DIP2C: variants seen among roughly 807,000 people sequenced by gnomAD.
The protein encoded by DIP2C is DIP2 acetate--CoA ligase C (putative).
In DIP2C, 33 loss-of-function variants were observed where a neutral mutation model predicts 192.4. The ratio of observed to expected loss-of-function variants is 0.17; its 90% confidence interval spans 0.13 to 0.23. DIP2C has a LOEUF of 0.23. DIP2C is among the 10% of genes least tolerant of loss of function. The probability of loss-of-function intolerance (pLI) is 1.00; values close to 1 mark genes in which losing one functional copy is unlikely to be tolerated. For missense variants in DIP2C, 1,537 were observed against 2,110.1 expected, an observed-to-expected ratio of 0.73 and a Z score of 5.32; for synonymous variants, 979 against 864.1, an observed-to-expected ratio of 1.13 and a Z score of -2.33.
chr10:561,805 G>A (rs1291122239), intron 1 of DIP2C, among the ~76,000 whole-genome samples: 5 of 152,230 alleles, frequency 3.3e-5, no homozygotes, highest in African/African-American at 1.2e-4. Flanking sequence ...CCATTGTGAA[G>A]GCAAATACTC....
rs532818136 is a variant in DIP2C at position 303,175 on chromosome 10, T to C, written c.3986+6856A>G. 2.0e-5 allele frequency among the ~76,000 whole-genome samples: 3 copies of C among 152,270 alleles called. No individual in the cohort carries two copies. In the South Asian group the frequency reaches 6.2e-4, roughly 32 times the overall value. On this transcript the variant is annotated intron_variant, in intron 32 of 36. Transcript: ENST00000280886. Reference sequence around the variant, plus strand: ...CACGTGGCGGTAGATTCTTAAACACTGTACTCGTAAGCTAAGACATCATCC... The same window carrying C: ...CACGTGGCGGTAGATTCTTAAACACCGTACTCGTAAGCTAAGACATCATCC...
chr10:541,793 A>C (rs1181358629), intron 1 of DIP2C, among the ~76,000 whole-genome samples: 1 of 151,014 alleles, frequency 6.6e-6, no homozygotes, highest in African/African-American at 2.4e-5. Context: ...TCACCTGACC[A>C]CACCTGTCTC....
At chr10:521,963 G>A (rs953709089) in intron 1 of DIP2C, among the ~76,000 whole-genome samples, 2 of 150,536 alleles carry the variant, frequency 1.3e-5, no homozygotes, top group Admixed American at 6.6e-5. Context: ...TAGCTCACAC[G>A]AGGTCTCAGC....
At chr10:494,860 T>C (rs1029254519) in intron 1 of DIP2C, among the ~76,000 whole-genome samples, 2 of 152,236 alleles carry the variant, frequency 1.3e-5, no homozygotes, top group Non-Finnish European at 2.9e-5. Context: ...CAGGACTCTA[T>C]GATCCAGCAA....
chr10:515,746 GA>G (rs762497174), intron 1 of DIP2C, among the ~76,000 whole-genome samples: 1 of 151,852 alleles, frequency 6.6e-6, no homozygotes, highest in Non-Finnish European at 1.5e-5. Context: ...ATAAAAATAA[GA>G]AAGCCTTCAG....
At chr10:456,698 C>T (rs953190922) in intron 3 of DIP2C, among the ~76,000 whole-genome samples, 2 of 152,214 alleles carry the variant, frequency 1.3e-5, no homozygotes, top group Non-Finnish European at 2.9e-5. Flanking sequence ...CGTTTGTCTC[C>T]ACTACACAGG....
At chr10:687,765 C>G (rs137919165) in intron 1 of DIP2C, among the ~76,000 whole-genome samples, 1 of 152,234 alleles carries the variant, frequency 6.6e-6, no homozygotes, top group South Asian at 2.1e-4. Context: ...GGCCACAATG[C>G]CCAACACAGG....
intron 29 of DIP2C, among the ~76,000 whole-genome samples, chr10:335,695 C>A (rs866649462): frequency 1.3e-5 from 2 of 152,228 alleles, no homozygotes; most frequent in Non-Finnish European, 2.9e-5. Flanking sequence ...TCATCCCACC[C>A]GCTGTGTGCT....
At chr10:355,043 G>A (rs989456440) in intron 24 of DIP2C, among the ~76,000 whole-genome samples, 3 of 151,964 alleles carry the variant, frequency 2.0e-5, no homozygotes, top group African/African-American at 4.8e-5. Flanking sequence ...GATGAAAAGT[G>A]GAAGGTGGGC....
intron 17 of DIP2C, among the ~76,000 whole-genome samples, chr10:377,073 T>G (rs1961688915): frequency 6.6e-6 from 1 of 152,188 alleles, no homozygotes; most frequent in Non-Finnish European, 1.5e-5. Context: ...AACAGCCCAT[T>G]TTACAAGCTG....
chr10:596,163 TAAAAA>T (rs1305225423), intron 1 of DIP2C, among the ~76,000 whole-genome samples: 32 of 152,176 alleles, frequency 2.1e-4, no homozygotes, highest in Middle Eastern at 3.4e-3. Context: ...GATAACGTTT[TAAAAA>T]ATAAAAGTAA....
chr10:441,523 A>C (rs1967729397), intron 3 of DIP2C, among the ~76,000 whole-genome samples: 1 of 152,168 alleles, frequency 6.6e-6, no homozygotes, highest in Non-Finnish European at 1.5e-5. Context: ...GGAAGAGGTA[A>C]TTGAATCATT....
rs193161962 is a variant in DIP2C at position 473,689 on chromosome 10, A to G, written c.158-1140T>C. On this transcript the variant is annotated intron_variant, in intron 2 of 36. Coordinates refer to ENST00000280886, the MANE Select transcript of DIP2C (RefSeq NM_014974.3). ...CTACGTCGTCCCCACAGTTCCATGA[A>G]GAACTGCTCTAAGAGTGAGCACCAA... is the stretch of plus-strand genomic sequence containing the variant. 4.8e-4 allele frequency among the ~76,000 whole-genome samples: 73 copies of G among 152,380 alleles called. No homozygotes were observed. The East Asian group carries it at 7.7e-3, about 16-fold the overall frequency.
chr10:316,940 C>G (rs1265601466), intron 31 of DIP2C, among the ~76,000 whole-genome samples: 3 of 152,216 alleles, frequency 2.0e-5, no homozygotes, highest in Non-Finnish European at 4.4e-5. Context: ...TGTAATTCAT[C>G]TACATTTGAG....
intron 1 of DIP2C, among the ~76,000 whole-genome samples, chr10:655,251 T>C (rs1856206818): frequency 6.6e-6 from 1 of 152,232 alleles, no homozygotes; most frequent in Non-Finnish European, 1.5e-5. Flanking sequence ...TGCTGAGACC[T>C]TTCCTTTTCG....
intron 1 of DIP2C, among the ~76,000 whole-genome samples, chr10:526,623 A>G (rs1394278125): frequency 2.0e-5 from 3 of 152,182 alleles, no homozygotes; most frequent in Non-Finnish European, 2.9e-5. Flanking sequence ...CTCTTTGAAG[A>G]GATGGCAGCA....
Position 472,539 on chromosome 10 carries a change from T to C in DIP2C, c.168A>G (p.Gln56=), listed in dbSNP as rs144322963. The change falls in exon 3 of 37, where the codon CAA becomes CAG. Residue 56 remains glutamine, a synonymous_variant. Transcript: ENST00000280886. The stretch of plus-strand genomic sequence containing the variant: ...GAGCCCGGCGTTCTTGCGGCAAAGC[T>C]TGGTCCACCCCTGGATTTCAATAAA... The part of the protein sequence containing the change: ...AYLPQPPRVD[Q]ALPQERRAPV... The C allele has an allele frequency of 1.4e-3, 2,265 of 1,614,088 alleles. 8 individuals are homozygous for C. The highest frequency in any genetic ancestry group is 3.5e-3 in the Middle Eastern group (21 of 6,060).
At chr10:545,166 CTTTTT>C (rs60185327) in intron 1 of DIP2C, among the ~76,000 whole-genome samples, 30 of 86,340 alleles carry the variant, frequency 3.5e-4, no homozygotes, top group African/African-American at 9.1e-4. Context: ...GGTGTTTTCC[CTTTTT>C]TTTTTTTTTT....
intron 29 of DIP2C, among the ~76,000 whole-genome samples, chr10:337,214 G>C (rs1471760423): frequency 1.4e-5 from 2 of 146,080 alleles, no homozygotes; most frequent in Admixed American, 6.8e-5. Flanking sequence ...GTGTGTGCAA[G>C]TGTGTGTGGT....
Sources: allele counts gnomAD v4.1 joint callset (sites outside exome capture counted in the v4.1 genomes callset), GRCh38; gene constraint gnomAD v4.1.1; transcripts MANE v1.5; gene names NCBI Gene and HGNC (gene_info 2026-07-23, HGNC 2026-07-21).